The following WDR12 variants were observed in gnomAD, a reference collection of about 807,000 sequenced individuals.
WDR12 encodes ribosome biogenesis protein WDR12.
In WDR12, 42 loss-of-function variants were observed where a neutral mutation model predicts 64.3. That is an observed-to-expected ratio of 0.65 (90% confidence interval 0.51 to 0.84). The LOEUF is 0.84. Ranked by LOEUF, WDR12 falls within the 40% of genes least tolerant of loss-of-function variation. WDR12 has a pLI of 0.00. For missense variants in WDR12, 469 were observed against 494.6 expected (o/e 0.95, Z 0.49); for synonymous variants, 158 against 173.3 (o/e 0.91, Z 0.70).
At chr2:202,903,889 G>A (rs1688402015) in intron 2 of WDR12, among the ~76,000 whole-genome samples, 1 of 152,068 alleles carries the variant, frequency 6.6e-6, no homozygotes, top group Non-Finnish European at 1.5e-5. Flanking sequence ...TGTAATCCCA[G>A]AACTTTGGGA....
chr2:202,878,627 A>G lies in WDR12; in HGVS notation c.*2233T>C, dbSNP rs978519013. ...GGAACAAAACCTACATCAGCCCTGG[A>G]CTGCCTCTGGTTTTCTACAGAGAAC... On this transcript the variant is annotated 3_prime_UTR_variant, in exon 13 of 13. Transcript: ENST00000261015. The G allele has an allele frequency of 6.6e-6, 1 of 152,226 alleles. No individual in the cohort carries two copies. Among genetic ancestry groups the G allele is most frequent in the African/African-American group, 2.4e-5 (1 of 41,448 alleles). 9.4% of individuals were successfully genotyped at this position (152,226 alleles called of 1,614,324 possible).
rs1687876794 is a variant in WDR12, at chr2:202,877,329, C to G, written c.*3531G>C. The G allele has an allele frequency of 6.6e-6, 1 of 152,052 alleles. No individual in the cohort carries two copies. Among genetic ancestry groups the G allele is most frequent in the African/African-American group, 2.4e-5 (1 of 41,398 alleles). 9.4% of individuals were successfully genotyped at this position (152,052 alleles called of 1,614,324 possible). On this transcript the variant is annotated 3_prime_UTR_variant, in exon 13 of 13. Transcript: ENST00000261015. ...GCTATGTTTTTCTACAAAGGCCCCA[C>G]TATGCCTGGCCAAGTAATTTCTTAA...
intron 8 of WDR12, among the ~76,000 whole-genome samples, chr2:202,889,433 G>A (rs1183310190): frequency 2.0e-5 from 3 of 152,114 alleles, no homozygotes; most frequent in African/African-American, 4.8e-5. Flanking sequence ...TGAGGTGGGA[G>A]GACTGCTTCA....
chr2:202,902,561 G>A (rs1021556771), intron 2 of WDR12, among the ~76,000 whole-genome samples: 7 of 152,146 alleles, frequency 4.6e-5, no homozygotes, highest in Non-Finnish European at 8.8e-5. Flanking sequence ...TCAGTCTTCA[G>A]GCCTTTATCT....
In WDR12 at chr2:202,875,405, T is replaced by C. The variant is rs1266632226; in HGVS notation, c.*5455A>G. On this transcript the variant is annotated 3_prime_UTR_variant, in exon 13 of 13. Coordinates refer to ENST00000261015, the MANE Select transcript of WDR12 (RefSeq NM_018256.4). ...GTATTACTTTTTTTTTTTTTTTTTTTGAGACGGAGTTTCGCTCTTGTTGCC... is the reference window on the plus strand; with the variant it reads ...GTATTACTTTTTTTTTTTTTTTTTTCGAGACGGAGTTTCGCTCTTGTTGCC... The C allele has an allele frequency of 6.6e-6, 1 of 150,410 alleles. No individual in the cohort carries two copies. The highest frequency in any genetic ancestry group is 1.5e-5 in the Non-Finnish European group (1 of 67,674). The allele number at this position is 150,410 out of a possible 1,614,324, so 9.3% of individuals were successfully genotyped here. A position where few individuals can be genotyped will look rare whatever the true frequency, so the allele number is the denominator to read the frequency against.
chr2:202,907,387 C>CT (rs1380946605), intron 2 of WDR12, among the ~76,000 whole-genome samples: 7 of 151,650 alleles, frequency 4.6e-5, no homozygotes, highest in African/African-American at 1.2e-4. Context: ...TTGTTATATC[C>CT]TTTTTTTATG....
intron 4 of WDR12, among the ~76,000 whole-genome samples, chr2:202,897,914 T>TATATATAC (rs1215456661): frequency 4.1e-5 from 5 of 120,790 alleles, no homozygotes; most frequent in Non-Finnish European, 7.4e-5. Context: ...AAAAAATATA[T>TATATATAC]ATATATATAT....
At chr2:202,903,121 A>G (rs922764348) in intron 2 of WDR12, among the ~76,000 whole-genome samples, 1 of 152,066 alleles carries the variant, frequency 6.6e-6, no homozygotes, top group Non-Finnish European at 1.5e-5. Flanking sequence ...TCATATATAC[A>G]TCTATTCTAT....
At chr2:202,908,002 T>A in intron 1 of WDR12, 43 bp from the exon 2 acceptor site, 2 of 1,551,448 alleles carry the variant, frequency 1.3e-6, no homozygotes, top group Non-Finnish European at 1.8e-6. Context: ...TCTACAGATA[T>A]TTGAACAAAC....
intron 4 of WDR12, among the ~76,000 whole-genome samples, chr2:202,897,991 T>C (rs892032520): frequency 2.0e-5 from 3 of 147,752 alleles, no homozygotes; most frequent in Non-Finnish European, 4.5e-5. Flanking sequence ...AAGCTGTATA[T>C]GAAACATAAA....
At chr2:202,891,700 C>T (rs908902724) in intron 8 of WDR12, among the ~76,000 whole-genome samples, 1 of 152,114 alleles carries the variant, frequency 6.6e-6, no homozygotes, top group African/African-American at 2.4e-5. Context: ...CAAATGTGTG[C>T]TTTATTTACT....
At chr2:202,886,887 G>A (rs1032668759) in intron 8 of WDR12, among the ~76,000 whole-genome samples, 11 of 151,884 alleles carry the variant, frequency 7.2e-5, no homozygotes, top group African/African-American at 2.7e-4. Flanking sequence ...ATATTTAGGA[G>A]TTATAACTGG....
At chr2:202,904,653 C>T (rs1416134647) in intron 2 of WDR12, among the ~76,000 whole-genome samples, 2 of 152,180 alleles carry the variant, frequency 1.3e-5, no homozygotes, top group African/African-American at 4.8e-5. Context: ...TATCTCTTGC[C>T]ACATACAAAA....
intron 2 of WDR12, among the ~76,000 whole-genome samples, chr2:202,905,193 T>C (rs1688431418): frequency 2.0e-5 from 3 of 152,188 alleles, no homozygotes; most frequent in African/African-American, 7.2e-5. Flanking sequence ...TCACCCAGGT[T>C]GGAGTGCAGT....
At chr2:202,896,033 AAC>A in intron 6 of WDR12, 30 bp downstream of exon 6, 1 of 1,593,770 alleles carries the variant, frequency 6.3e-7, no homozygotes, top group Non-Finnish European at 8.5e-7. Flanking sequence ...ATTCAAATTT[AAC>A]AGAGTACTAA....
chr2:202,894,006 T>C (rs1047594387), intron 7 of WDR12, among the ~76,000 whole-genome samples: 2 of 152,166 alleles, frequency 1.3e-5, no homozygotes, highest in Non-Finnish European at 2.9e-5. Context: ...CCAAGTTTCC[T>C]GAATAAGAGA....
At chr2:202,889,775 G>A (rs539311493) in intron 8 of WDR12, among the ~76,000 whole-genome samples, 1 of 151,948 alleles carries the variant, frequency 6.6e-6, no homozygotes, top group East Asian at 1.9e-4. Flanking sequence ...ATTAGCCAGG[G>A]CATGGTGGCA....
intron 8 of WDR12, among the ~76,000 whole-genome samples, chr2:202,892,090 A>C (rs1034462701): frequency 5.9e-5 from 9 of 152,242 alleles, no homozygotes; most frequent in African/African-American, 2.2e-4. Flanking sequence ...AATATGTTCA[A>C]TCTTTATCAA....
At chr2:202,908,709 G>C (rs865939458) in intron 1 of WDR12, among the ~76,000 whole-genome samples, 1 of 152,302 alleles carries the variant, frequency 6.6e-6, no homozygotes, top group Middle Eastern at 3.4e-3. Context: ...GTGCAAATTA[G>C]AAGTATCATC....
Sources: gnomAD v4.1 joint callset for allele counts (sites outside exome capture counted in the v4.1 genomes callset) on GRCh38, gnomAD v4.1.1 for gene constraint, MANE v1.5 for transcripts, NCBI Gene and HGNC (gene_info 2026-07-23, HGNC 2026-07-21) for gene names.